Variants in NCKAP5 observed in about 807,000 individuals in gnomAD.
NCKAP5 encodes the protein NCK associated protein 5, also known as nck-associated protein 5.
Under a neutral mutation model 167.0 loss-of-function variants are expected in NCKAP5, and 92 were observed. That is an observed-to-expected ratio of 0.55 (90% confidence interval 0.47 to 0.66). The LOEUF (loss-of-function observed/expected upper bound fraction) is 0.66. NCKAP5 is among the 30% of genes least tolerant of loss of function. The probability of loss-of-function intolerance (pLI) is 0.00; values close to 1 mark genes in which losing one functional copy is unlikely to be tolerated. For missense variants in NCKAP5, 2,378 were observed against 2,315.0 expected (o/e 1.03, Z -0.56); for synonymous variants, 891 against 877.4 (o/e 1.02, Z -0.27).
At chr2:133,557,245 G>A (rs758620076) in intron 2 of NCKAP5, among the ~76,000 whole-genome samples, 5 of 152,052 alleles carry the variant, frequency 3.3e-5, no homozygotes, top group East Asian at 1.9e-4. Flanking sequence ...TCATTTGCAC[G>A]CTTGGCACCT....
At chr2:133,438,051 T>G (rs1172927035) in intron 3 of NCKAP5, among the ~76,000 whole-genome samples, 1 of 152,238 alleles carries the variant, frequency 6.6e-6, no homozygotes, top group African/African-American at 2.4e-5. Flanking sequence ...CCCCTTGGGA[T>G]TTTTGTAACT....
intron 19 of NCKAP5, among the ~76,000 whole-genome samples, chr2:132,723,203 T>C (rs1415841693): frequency 7.1e-6 from 1 of 140,360 alleles, no homozygotes; most frequent in South Asian, 2.3e-4. Flanking sequence ...TGGAGTGCAG[T>C]GGCATGATCT....
intron 3 of NCKAP5, among the ~76,000 whole-genome samples, chr2:133,443,334 A>C (rs1690974239): frequency 6.6e-6 from 1 of 152,126 alleles, no homozygotes; most frequent in Admixed American, 6.5e-5. Context: ...TTCTCTTCTT[A>C]TCAGGACATT....
chr2:133,657,756 C>T, the NCKAP5 span, among the ~76,000 whole-genome samples: 2 of 152,218 alleles, frequency 1.3e-5, no homozygotes, highest in African/African-American at 2.4e-5. Context: ...GACCTGCGGG[C>T]GTCACGAACT....
At chr2:132,981,229 A>G (rs530570333) in intron 7 of NCKAP5, among the ~76,000 whole-genome samples, 2 of 152,332 alleles carry the variant, frequency 1.3e-5, no homozygotes, top group African/African-American at 4.8e-5. Context: ...ATGAAGTGAA[A>G]ATATAAGCCA....
intron 16 of NCKAP5, among the ~76,000 whole-genome samples, chr2:132,763,130 T>A (rs549806257): frequency 1.3e-5 from 2 of 152,342 alleles, no homozygotes. Context: ...AGTATTTTAC[T>A]GTAAAAGTCT....
chr2:132,962,694 C>T (rs1328874847), intron 8 of NCKAP5, among the ~76,000 whole-genome samples: 1 of 152,134 alleles, frequency 6.6e-6, no homozygotes, highest in African/African-American at 2.4e-5. Context: ...AGGTTCACGC[C>T]ATTCTCCTGC....
the NCKAP5 span, among the ~76,000 whole-genome samples, chr2:133,585,651 ATATG>A: frequency 3.9e-5 from 6 of 152,240 alleles, no homozygotes; most frequent in Non-Finnish European, 8.8e-5. Context: ...TGAATGTATA[ATATG>A]TATTAGACAT....
At chr2:133,120,439 G>C (rs948606909) in intron 6 of NCKAP5, among the ~76,000 whole-genome samples, 1 of 152,168 alleles carries the variant, frequency 6.6e-6, no homozygotes, top group Non-Finnish European at 1.5e-5. Context: ...TTCATTAAAT[G>C]CACTGCCTAT....
At chr2:132,875,971 T>A (rs1223649854) in intron 9 of NCKAP5, among the ~76,000 whole-genome samples, 3 of 152,146 alleles carry the variant, frequency 2.0e-5, no homozygotes, top group African/African-American at 7.2e-5. Context: ...TCTGTTACCT[T>A]CTGAATAAAT....
intron 5 of NCKAP5, among the ~76,000 whole-genome samples, chr2:133,186,955 T>C (rs1301567206): frequency 6.6e-6 from 1 of 151,718 alleles, no homozygotes; most frequent in Non-Finnish European, 1.5e-5. Context: ...TTAATTTCAT[T>C]CAGTTCTTCT....
chr2:132,782,882 T>A lies in NCKAP5; in HGVS notation c.3929A>T (p.Asn1310Ile), dbSNP rs538437785. 6 of 1,613,894 alleles carry A rather than the reference T, an allele frequency of 3.7e-6. No individual in the cohort carries two copies. The East Asian group carries it at 1.1e-4, about 30-fold the overall frequency. ...GGAAGAGTTCTGCCGGGTAAGAGAA[T>A]TGCCTCTCTCGGCGGTATTGGTAAT... ...QIITNTAERGNSLTRQNSSTE... is the reference protein window; with the variant it reads ...QIITNTAERGISLTRQNSSTE... Residue 1310 changes from asparagine (N) to isoleucine (I), a missense_variant, in exon 14 of 20, where the codon AAT becomes ATT. Asn to Ile is a moderately radical substitution (Grantham distance 149). Coordinates refer to ENST00000409261, the MANE Select transcript of NCKAP5 (RefSeq NM_207363.3).
At chr2:132,931,687 C>A (rs1369370685) in intron 8 of NCKAP5, among the ~76,000 whole-genome samples, 1 of 152,110 alleles carries the variant, frequency 6.6e-6, no homozygotes, top group African/African-American at 2.4e-5. Flanking sequence ...GTAATAAAAC[C>A]TACAACTGTA....
chr2:132,949,103 G>C (rs555279979), intron 8 of NCKAP5, among the ~76,000 whole-genome samples: 8 of 140,350 alleles, frequency 5.7e-5, no homozygotes, highest in South Asian at 2.4e-4. Flanking sequence ...CCCATCCAGG[G>C]ATAAGAAGAA....
At chr2:133,392,543 G>A (rs1687483460) in intron 3 of NCKAP5, among the ~76,000 whole-genome samples, 1 of 152,174 alleles carries the variant, frequency 6.6e-6, no homozygotes, top group Non-Finnish European at 1.5e-5. Context: ...CTTAAAGGCA[G>A]TGACTATAAC....
chr2:133,627,517 G>A, the NCKAP5 span, among the ~76,000 whole-genome samples: 1 of 152,164 alleles, frequency 6.6e-6, no homozygotes, highest in Non-Finnish European at 1.5e-5. Context: ...CTTCACGCCT[G>A]TAATCCCAGC....
intron 8 of NCKAP5, chr2:132,929,988 C>T (rs754793167): frequency 6.6e-6 from 1 of 152,284 alleles, no homozygotes; most frequent in African/African-American, 2.4e-5. Context: ...TTTTTAAACT[C>T]GTGATCTGAC....
chr2:132,770,654 A>C (rs985880384), intron 16 of NCKAP5, among the ~76,000 whole-genome samples: 1 of 152,124 alleles, frequency 6.6e-6, no homozygotes, highest in Admixed American at 6.5e-5. Flanking sequence ...GAGTAATCTA[A>C]TGCAGCACCA....
intron 6 of NCKAP5, among the ~76,000 whole-genome samples, chr2:133,105,881 C>T (rs991960205): frequency 4.6e-5 from 7 of 152,112 alleles, no homozygotes; most frequent in African/African-American, 1.7e-4. Context: ...CTCCCTCTTC[C>T]TAACATGTTT....
Sources: gnomAD v4.1 joint callset for allele counts (sites outside exome capture counted in the v4.1 genomes callset) on GRCh38, gnomAD v4.1.1 for gene constraint, MANE v1.5 for transcripts, NCBI Gene and HGNC (gene_info 2026-07-23, HGNC 2026-07-21) for gene names.